CDC37L1: variants seen among roughly 807,000 people sequenced by gnomAD.
CDC37L1 encodes cell division cycle 37 like 1, HSP90 cochaperone.
Under a neutral mutation model 45.9 loss-of-function variants are expected in CDC37L1, and 32 were observed. The ratio of observed to expected loss-of-function variants is 0.70; its 90% CI spans 0.53 to 0.94. The LOEUF is 0.94. Ranked by LOEUF, CDC37L1 falls within the 40% of genes least tolerant of loss-of-function variation. CDC37L1 has a pLI of 0.00. For missense variants in CDC37L1, 434 were observed against 405.7 expected, an observed-to-expected ratio of 1.07 and a Z score of -0.60; for synonymous variants, 150 against 133.0, an observed-to-expected ratio of 1.13 and a Z score of -0.88.
chr9:4,695,883 T>G (rs1841343235), intron 3 of CDC37L1, among the ~76,000 whole-genome samples: 1 of 152,174 alleles, frequency 6.6e-6, no homozygotes, highest in Non-Finnish European at 1.5e-5. Context: ...CTCCGCCTCC[T>G]GGGTTCAAGT....
chr9:4,704,429 G>C (rs1841425433), intron 6 of CDC37L1, among the ~76,000 whole-genome samples: 1 of 152,186 alleles, frequency 6.6e-6, no homozygotes, highest in African/African-American at 2.4e-5. Flanking sequence ...TGTAGGTTAG[G>C]TCGGGTATAC....
chr9:4,695,688 G>A (rs561955020), intron 3 of CDC37L1, among the ~76,000 whole-genome samples: 3 of 152,104 alleles, frequency 2.0e-5, no homozygotes, highest in Non-Finnish European at 4.4e-5. Context: ...GTAGAGACAG[G>A]GTCTTACTAT....
At chr9:4,698,830 G>A (rs181508063) in intron 5 of CDC37L1, among the ~76,000 whole-genome samples, 132 of 152,152 alleles carry the variant, frequency 8.7e-4, no homozygotes, top group African/African-American at 3.1e-3. Flanking sequence ...AGATTAATGC[G>A]GAAGTACAAA....
In CDC37L1 at chr9:4,705,286, G is replaced by A. The variant is rs188660051; in HGVS notation, c.913-725G>A. ...GAGTAGACAAAATTGAATTGGGGAA[G>A]AATTTTCTAAAGTTCTGGGTCTTAA... is the stretch of plus-strand genomic sequence containing the variant. On this transcript the variant is annotated intron_variant, in intron 6 of 6. Coordinates refer to ENST00000381854, the MANE Select transcript of CDC37L1 (RefSeq NM_017913.4). 1.1e-4 allele frequency among the ~76,000 whole-genome samples: 16 copies of A among 152,240 alleles called. No individual in the cohort carries two copies. In the East Asian group the frequency reaches 3.1e-3, roughly 29 times the overall value.
At position 4,708,057 on chromosome 9, in the gene CDC37L1, T is replaced by G. The variant is rs74725803; in HGVS notation, c.*1945T>G. On this transcript the variant is annotated 3_prime_UTR_variant, in exon 7 of 7. Coordinates refer to ENST00000381854, the MANE Select transcript of CDC37L1 (RefSeq NM_017913.4). ...TACTTGCAAAAGAATATACTGTGTT[T>G]TGAGTATGAAAGTGTGATTGGGTCT... 166 of 152,346 alleles carry G rather than the reference T, an allele frequency of 1.1e-3. No individual in the cohort carries two copies. Among genetic ancestry groups the G allele is most frequent in the African/African-American group, 3.5e-3 (147 of 41,574 alleles). 9.4% of individuals were successfully genotyped at this position (152,346 alleles called of 1,614,324 possible).
chr9:4,701,771 C>A (rs10974742), intron 5 of CDC37L1, 93 bp from the exon 6 acceptor site: 4 of 827,064 alleles, frequency 4.8e-6, no homozygotes, highest in Non-Finnish European at 7.4e-6. Flanking sequence ...TCATTACTTC[C>A]TCCACTTCAA....
chr9:4,706,045 C>G lies in CDC37L1; in HGVS notation c.947C>G (p.Ala316Gly). The G allele has an allele frequency of 1.3e-6, 2 of 1,599,002 alleles. No homozygotes were observed. The change falls in exon 7 of 7, where the codon GCT (alanine) becomes GGT (glycine). Residue 316 changes from alanine (A) to glycine (G), a missense_variant. Transcript: ENST00000381854. ...PDYLQYSIST[A>G]LCSLNSVVHK... ...TATCTTCAGTATTCTATCAGTACAG[C>G]TCTCTGCAGCTTAAACTCGGTGGTA...
chr9:4,685,282 G>A, intron 2 of CDC37L1, 124 bp downstream of exon 2: 2 of 787,390 alleles, frequency 2.5e-6, no homozygotes, highest in Middle Eastern at 5.5e-4. Context: ...GACAGTTTAT[G>A]AAAGGTGCTT....
rs1039796472 is a variant in CDC37L1 at position 4,707,441 on chromosome 9, G to C, written c.*1329G>C. The C allele has an allele frequency of 1.3e-5, 2 of 152,170 alleles. No individual in the cohort carries two copies. The highest frequency in any genetic ancestry group is 3.8e-4 in the East Asian group (2 of 5,196). The allele number at this position is 152,170 out of a possible 1,614,324, so 9.4% of individuals were successfully genotyped here. A position where few individuals can be genotyped will look rare whatever the true frequency, so the allele number is the denominator to read the frequency against. Reference sequence around the variant, plus strand: ...GGACTGGGAATACGTGTCTCAACTTGAGAAACCAAATAGTGCGAAGGGACT... The same window carrying C: ...GGACTGGGAATACGTGTCTCAACTTCAGAAACCAAATAGTGCGAAGGGACT... On this transcript the variant is annotated 3_prime_UTR_variant, in exon 7 of 7. Transcript: ENST00000381854.
intron 1 of CDC37L1, 57 bp downstream of exon 1, chr9:4,679,956 G>A: frequency 6.3e-7 from 1 of 1,597,256 alleles, no homozygotes; most frequent in Non-Finnish European, 8.5e-7. Flanking sequence ...CCAAACCCCT[G>A]GAATGCCGCG....
chr9:4,687,287 T>C (rs1841255706), intron 2 of CDC37L1, among the ~76,000 whole-genome samples: 1 of 152,236 alleles, frequency 6.6e-6, no homozygotes, highest in Admixed American at 6.5e-5. Flanking sequence ...TGGTATATTT[T>C]ATGACTTATT....
chr9:4,694,583 T>G (rs1239931790), intron 3 of CDC37L1, among the ~76,000 whole-genome samples: 2 of 152,120 alleles, frequency 1.3e-5, no homozygotes, highest in Non-Finnish European at 2.9e-5. Flanking sequence ...TAAAAAATAT[T>G]AACATTTGGC....
At position 4,684,980 on chromosome 9, in the gene CDC37L1, G is replaced by A. The variant is rs1260127695; in HGVS notation, c.236G>A (p.Gly79Asp). The stretch of plus-strand genomic sequence containing the variant: ...CTTGCTGAAGCTCAACAGAAACTTG[G>A]TAGCTTAGCACTGCATAATTCTGAG... ...WNLAEAQQKLGSLALHNSESL... is the reference protein window; with the variant it reads ...WNLAEAQQKLDSLALHNSESL... The change falls in exon 2 of 7, where the codon GGT (glycine) becomes GAT (aspartate). Residue 79 changes from glycine to aspartate, a missense_variant. Gly to Asp is a moderately conservative substitution (Grantham distance 94). Coordinates refer to ENST00000381854, the MANE Select transcript of CDC37L1 (RefSeq NM_017913.4). 3.1e-6 allele frequency: 5 copies of A among 1,613,954 alleles called. No homozygotes were observed.
At position 4,685,083 on chromosome 9, in the gene CDC37L1, A is replaced by G. The variant is rs1398694495; in HGVS notation, c.339A>G (p.Lys113=). 9 of 1,613,834 alleles carry G rather than the reference A, an allele frequency of 5.6e-6. No homozygotes were observed. The highest frequency in any genetic ancestry group is 7.6e-6 in the Non-Finnish European group (9 of 1,179,802). Residue 113 remains lysine (K), a synonymous_variant, in exon 2 of 7, where the codon AAA becomes AAG. Coordinates refer to ENST00000381854, the MANE Select transcript of CDC37L1 (RefSeq NM_017913.4). ...LRQREEEWRQ[K]EEALVQREKM... Reference sequence around the variant, plus strand: ...AACGGGAAGAAGAGTGGCGACAGAAAGAAGAAGCTCTAGTACAAAGAGAGA... The same window carrying G: ...AACGGGAAGAAGAGTGGCGACAGAAGGAAGAAGCTCTAGTACAAAGAGAGA...
In CDC37L1 at chr9:4,679,732, G is replaced by A. The variant is rs374431975; in HGVS notation, c.-36G>A. The A allele has an allele frequency of 9.5e-4, 1,508 of 1,592,770 alleles. 20 individuals carry two copies. In the South Asian group the frequency reaches 0.015, roughly 16 times the overall value. On this transcript the variant is annotated 5_prime_UTR_variant, in exon 1 of 7. Coordinates refer to ENST00000381854, the MANE Select transcript of CDC37L1 (RefSeq NM_017913.4). ...AGTCTGTTGGCAGTGGCAGTTGTAG[G>A]GCCAAGGGCGGTTGTAGGACCCGGA...
intron 1 of CDC37L1, among the ~76,000 whole-genome samples, chr9:4,681,397 C>T (rs1178317228): frequency 6.6e-6 from 1 of 152,158 alleles, no homozygotes; most frequent in African/African-American, 2.4e-5. Context: ...CTTATGACTC[C>T]TAGTCCAGTA....
At chr9:4,687,124 T>C (rs1364838353) in intron 2 of CDC37L1, among the ~76,000 whole-genome samples, 1 of 152,206 alleles carries the variant, frequency 6.6e-6, no homozygotes, top group Non-Finnish European at 1.5e-5. Flanking sequence ...TTTTGAAATA[T>C]GTAAACTTTT....
At chr9:4,701,813 T>G (rs1314408661) in intron 5 of CDC37L1, 51 bp from the exon 6 acceptor site, 1 of 1,391,918 alleles carries the variant, frequency 7.2e-7, no homozygotes, top group Non-Finnish European at 9.9e-7. Context: ...ATTTACTATG[T>G]CTAGAAATCT....
chr9:4,685,872 T>G (rs973889835), intron 2 of CDC37L1, among the ~76,000 whole-genome samples: 3 of 152,166 alleles, frequency 2.0e-5, no homozygotes, highest in African/African-American at 7.2e-5. Context: ...TGATATTTAT[T>G]GAAAAATAGG....
Sources: gnomAD v4.1 joint callset for allele counts (sites outside exome capture counted in the v4.1 genomes callset) on GRCh38, gnomAD v4.1.1 for gene constraint, MANE v1.5 for transcripts, NCBI Gene and HGNC (gene_info 2026-07-23, HGNC 2026-07-21) for gene names.